The following ZNF226 variants were observed in gnomAD, a reference collection of about 807,000 sequenced individuals.
ZNF226 encodes Kruppel-associated box protein.
ZNF226 carries 6 observed loss-of-function variants against 11.4 expected under a neutral mutation model. That is an observed-to-expected ratio of 0.53 (90% CI 0.29 to 1.04). ZNF226 has a LOEUF of 1.04. ZNF226 is among the 50% of genes least tolerant of loss of function. The pLI, the probability that ZNF226 is intolerant of heterozygous loss-of-function variation, is 0.08. For missense variants in ZNF226, 1,058 were observed against 956.5 expected (o/e 1.11, Z -1.40); for synonymous variants, 350 against 322.8 (o/e 1.08, Z -0.90).
chr19:44,176,587 C>T lies in ZNF226; in HGVS notation c.1325C>T (p.Thr442Ile), dbSNP rs1319778189. 1 of 1,614,032 alleles carries T rather than the reference C, an allele frequency of 6.2e-7. No individual in the cohort carries two copies. The highest frequency in any genetic ancestry group is 8.5e-7 in the Non-Finnish European group (1 of 1,179,958). ...CTTTACATTCATCAGAGAGTCCACA[C>T]AGGAGAAAAACCCTATAAATGTGAG... ...SNLYIHQRVH[T>I]GEKPYKCEEC... Residue 442 changes from threonine (T) to isoleucine (I), a missense_variant, in exon 6 of 6, where the codon ACA becomes ATA. Coordinates refer to ENST00000337433, the MANE Select transcript of ZNF226 (RefSeq NM_001032373.2).
chr19:44,191,451 A>G, the ZNF226 span, among the ~76,000 whole-genome samples: 1 of 152,198 alleles, frequency 6.6e-6, no homozygotes, highest in Non-Finnish European at 1.5e-5. Flanking sequence ...TGTAACTTAA[A>G]GAAAATATAG....
the ZNF226 span, among the ~76,000 whole-genome samples, chr19:44,189,813 C>T: frequency 6.6e-6 from 1 of 152,232 alleles, no homozygotes; most frequent in African/African-American, 2.4e-5. Context: ...ATCAACTTCT[C>T]ATCCTGGTTT....
At chr19:44,185,654 G>A in the ZNF226 span, among the ~76,000 whole-genome samples, 1 of 151,948 alleles carries the variant, frequency 6.6e-6, no homozygotes, top group African/African-American at 2.4e-5. Context: ...ATATAATCTG[G>A]ATATTAACCC....
chr19:44,185,796 T>G, the ZNF226 span, among the ~76,000 whole-genome samples: 3 of 152,146 alleles, frequency 2.0e-5, no homozygotes, highest in Non-Finnish European at 2.9e-5. Context: ...CTTTCCATTA[T>G]CTGTGCTTTT....
At chr19:44,181,153 A>C (rs1384069858), downstream of ZNF226, among the ~76,000 whole-genome samples, 1 of 152,094 alleles carries the variant, frequency 6.6e-6, no homozygotes, top group Non-Finnish European at 1.5e-5. Context: ...CTGAGGTGGG[A>C]GGATCTCTTG....
At position 44,172,848 on chromosome 19, in the gene ZNF226, G is replaced by A. The variant is rs759761014; in HGVS notation, c.143-12G>A. 1.9e-6 allele frequency: 3 copies of A among 1,584,280 alleles called. No homozygotes were observed. The highest frequency in any genetic ancestry group is 2.3e-5 in the East Asian group (1 of 43,968). ...ATGTTCATTTTCAACTTGTGATTTGGCATTTTCACAGGGCATCCACCCTTC... is the reference window on the plus strand; with the variant it reads ...ATGTTCATTTTCAACTTGTGATTTGACATTTTCACAGGGCATCCACCCTTC... On this transcript the variant is annotated splice_polypyrimidine_tract_variant and intron_variant, in intron 4 of 5. Transcript: ENST00000337433.
chr19:44,169,413 A>T (rs1969811843), intron 2 of ZNF226, among the ~76,000 whole-genome samples: 1 of 152,176 alleles, frequency 6.6e-6, no homozygotes, highest in Non-Finnish European at 1.5e-5. Flanking sequence ...AAATTATTGG[A>T]AAGACGACAA....
the ZNF226 span, among the ~76,000 whole-genome samples, chr19:44,188,626 C>T: frequency 6.6e-6 from 1 of 152,130 alleles, no homozygotes; most frequent in Non-Finnish European, 1.5e-5. Context: ...ACAGAGTGTC[C>T]TGGAACTAAT....
At chr19:44,187,402 G>T in the ZNF226 span, among the ~76,000 whole-genome samples, 2 of 151,676 alleles carry the variant, frequency 1.3e-5, no homozygotes, top group African/African-American at 4.8e-5. This position sits in a 1 kb window ranked among gnomAD's most constrained non-coding sequence, Gnocchi z 4.0. Context: ...CAATCTGTTG[G>T]TGTATTCTTC....
the ZNF226 span, among the ~76,000 whole-genome samples, chr19:44,187,046 A>G: frequency 7.9e-5 from 12 of 152,038 alleles, no homozygotes; most frequent in South Asian, 2.1e-3. This position sits in a 1 kb window ranked among gnomAD's most constrained non-coding sequence, Gnocchi z 4.0. Flanking sequence ...GGATTTTTGC[A>G]TCAATATTTA....
the ZNF226 span, among the ~76,000 whole-genome samples, chr19:44,196,648 A>G: frequency 2.0e-5 from 3 of 152,202 alleles, no homozygotes; most frequent in Non-Finnish European, 4.4e-5. Context: ...TGGACTTTAC[A>G]AAATGTTTTA....
chr19:44,175,973 G>C lies in ZNF226; in HGVS notation c.711G>C (p.Leu237Phe). Residue 237 changes from leucine to phenylalanine, a missense_variant, in exon 6 of 6, where the codon TTG (leucine) becomes TTC (phenylalanine). Physicochemically the swap from Leu to Phe is conservative, Grantham distance 22. Transcript: ENST00000337433. ...NDYEKDNMKI[L>F]TFDHNSMIHT... ...ATGAAAAAGACAACATGAAGATTTTGACATTTGATCACAATAGCATGATTC... is the reference window on the plus strand; with the variant it reads ...ATGAAAAAGACAACATGAAGATTTTCACATTTGATCACAATAGCATGATTC... 6.2e-7 allele frequency: 1 copy of C among 1,613,808 alleles called. No individual in the cohort carries two copies. Among genetic ancestry groups the C allele is most frequent in the Middle Eastern group, 1.6e-4 (1 of 6,062 alleles).
At chr19:44,190,168 G>C in the ZNF226 span, among the ~76,000 whole-genome samples, 1 of 152,202 alleles carries the variant, frequency 6.6e-6, no homozygotes, top group South Asian at 2.1e-4. Flanking sequence ...GATAATTACA[G>C]TAAGACTGAT....
At chr19:44,166,786 A>G (rs907584873) in intron 2 of ZNF226, 3 of 152,222 alleles carry the variant, frequency 2.0e-5, no homozygotes, top group African/African-American at 7.2e-5. Flanking sequence ...GGCATCACCC[A>G]GGTAGAAAGG....
At chr19:44,171,212 A>G (rs1266512248) in intron 3 of ZNF226, among the ~76,000 whole-genome samples, 2 of 152,220 alleles carry the variant, frequency 1.3e-5, no homozygotes, top group South Asian at 2.1e-4. Flanking sequence ...AATCCGTAAC[A>G]TTAGGTATTC....
chr19:44,177,129 G>A lies in ZNF226; in HGVS notation c.1867G>A (p.Val623Ile), dbSNP rs558229787. The A allele has an allele frequency of 3.7e-6, 6 of 1,613,970 alleles. No homozygotes were observed. In the African/African-American group the frequency reaches 5.3e-5, roughly 14 times the overall value. ...ATATAATTGTGAGGAGTGTGGGAAG[G>A]TCTTCAGGCAGGCCTCAAATCTTTT... ...KPYNCEECGK[V>I]FRQASNLLAH... The change falls in exon 6 of 6, where the codon GTC becomes ATC. Residue 623 changes from valine (V) to isoleucine (I), a missense_variant. Physicochemically the swap from Val to Ile is conservative, Grantham distance 29. Coordinates refer to ENST00000337433, the MANE Select transcript of ZNF226 (RefSeq NM_001032373.2).
chr19:44,173,920 A>G (rs1465165016), intron 5 of ZNF226: 1 of 152,208 alleles, frequency 6.6e-6, no homozygotes, highest in Non-Finnish European at 1.5e-5. Flanking sequence ...AATCTCCAGG[A>G]GTGGAGGAAT....
Position 44,172,889 on chromosome 19 carries a change from C to T in ZNF226, c.172C>T (p.Pro58Ser). ...GHPPFKQDVS[P>S]IERNEQLWIM... ...TCCACCCTTCAAACAAGATGTATCA[C>T]CTATAGAAAGAAATGAGCAGCTTTG... Residue 58 changes from proline (P) to serine (S), a missense_variant, in exon 5 of 6, where the codon CCT (proline) becomes TCT (serine). Physicochemically the swap from Pro to Ser is moderately conservative, Grantham distance 74. Coordinates refer to ENST00000337433, the MANE Select transcript of ZNF226 (RefSeq NM_001032373.2). 1.2e-6 allele frequency: 2 copies of T among 1,605,718 alleles called. No homozygotes were observed. The highest frequency in any genetic ancestry group is 8.5e-7 in the Non-Finnish European group (1 of 1,176,084).
rs145998371 is a variant in ZNF226 at position 44,177,014 on chromosome 19, G to T, written c.1752G>T (p.Glu584Asp). The T allele has an allele frequency of 3.1e-6, 5 of 1,613,978 alleles. No individual in the cohort carries two copies. The East Asian group carries it at 1.1e-4, about 36-fold the overall frequency. Residue 584 changes from glutamate (E) to aspartate (D), a missense_variant, in exon 6 of 6, where the codon GAG becomes GAT. By Grantham distance (45) the Glu-to-Asp change is conservative. Transcript: ENST00000337433. ...LQIHQLIHTG[E>D]KPYKCEECGK... ...TTCACCAGCTGATCCATACGGGTGA[G>T]AAACCATACAAATGTGAAGAGTGTG...
Sources: gnomAD v4.1 joint callset for allele counts (sites outside exome capture counted in the v4.1 genomes callset) on GRCh38, gnomAD v4.1.1 for gene constraint, Gnocchi (gnomAD v3.1) non-coding constraint, MANE v1.5 for transcripts, NCBI Gene and HGNC (gene_info 2026-07-23, HGNC 2026-07-21) for gene names.